PCCA: variants seen among roughly 807,000 people sequenced by gnomAD.
The protein encoded by PCCA is propionyl-CoA carboxylase alpha chain, mitochondrial.
A neutral mutation model predicts 101.3 loss-of-function variants in PCCA; 74 were observed. The observed-to-expected ratio is 0.73, with a 90% CI of 0.61 to 0.89. The LOEUF (loss-of-function observed/expected upper bound fraction) is 0.89. PCCA is among the 40% of genes least tolerant of loss of function. PCCA has a pLI of 0.00. For missense variants in PCCA, 891 were observed against 907.0 expected, an observed-to-expected ratio of 0.98 and a Z score of 0.23; for synonymous variants, 294 against 313.6, an observed-to-expected ratio of 0.94 and a Z score of 0.66.
chr13:100,122,112 A>G (rs1368254154), intron 4 of PCCA, among the ~76,000 whole-genome samples: 1 of 152,142 alleles, frequency 6.6e-6, no homozygotes, highest in East Asian at 1.9e-4. Context: ...TGAGATGATC[A>G]TGTGGTTTTT....
intron 16 of PCCA, among the ~76,000 whole-genome samples, chr13:100,318,487 C>T (rs2067637336): frequency 7.8e-6 from 1 of 127,810 alleles, no homozygotes; most frequent in African/African-American, 2.9e-5. Flanking sequence ...CCCCCTCCCC[C>T]CACCCCATGA....
At chr13:100,145,022 G>T (rs1211852769) in intron 4 of PCCA, among the ~76,000 whole-genome samples, 1 of 152,180 alleles carries the variant, frequency 6.6e-6, no homozygotes, top group Admixed American at 6.5e-5. Context: ...TGAGGGAGCA[G>T]ATGATTCGTA....
chr13:100,347,897 C>G (rs1427933229), intron 18 of PCCA, among the ~76,000 whole-genome samples: 1 of 151,984 alleles, frequency 6.6e-6, no homozygotes, highest in African/African-American at 2.4e-5. Flanking sequence ...ATTGCTACAC[C>G]CTATAACAGT....
chr13:100,144,212 A>AT (rs2052257777), intron 4 of PCCA, among the ~76,000 whole-genome samples: 1 of 152,146 alleles, frequency 6.6e-6, no homozygotes, highest in South Asian at 2.1e-4. Context: ...TGAGTGGTTG[A>AT]TTTTGCTGCT....
At chr13:100,491,987 A>G (rs2042292963) in intron 21 of PCCA, among the ~76,000 whole-genome samples, 1 of 152,226 alleles carries the variant, frequency 6.6e-6, no homozygotes, top group Non-Finnish European at 1.5e-5. Flanking sequence ...CAGAGGTCCC[A>G]TTTCAGAAGT....
At chr13:100,404,947 C>T (rs2077583626) in intron 19 of PCCA, among the ~76,000 whole-genome samples, 1 of 152,140 alleles carries the variant, frequency 6.6e-6, no homozygotes, top group Admixed American at 6.5e-5. Context: ...TCCCTTACAT[C>T]CAGTTTTCTT....
intron 19 of PCCA, among the ~76,000 whole-genome samples, chr13:100,422,723 G>A (rs919574057): frequency 6.6e-6 from 1 of 151,554 alleles, no homozygotes; most frequent in African/African-American, 2.4e-5. Flanking sequence ...TTCTATTTTT[G>A]GTTGCTTCTT....
intron 1 of PCCA, among the ~76,000 whole-genome samples, chr13:100,098,175 C>G (rs1198981362): frequency 2.0e-5 from 3 of 151,852 alleles, no homozygotes; most frequent in African/African-American, 7.3e-5. Flanking sequence ...GCAGTCCAGC[C>G]TGGGCAAACA....
At chr13:100,176,770 T>C (rs1462832277) in intron 6 of PCCA, among the ~76,000 whole-genome samples, 2 of 152,206 alleles carry the variant, frequency 1.3e-5, no homozygotes, top group Non-Finnish European at 2.9e-5. Context: ...TATTAGTTTT[T>C]TTAATTAGGT....
chr13:100,240,664 G>T, intron 8 of PCCA, among the ~76,000 whole-genome samples: 1 of 151,292 alleles, frequency 6.6e-6, no homozygotes, highest in South Asian at 2.1e-4. Context: ...TAATTGTTAC[G>T]GTTTATACTC....
At chr13:100,235,260 G>T (rs2060722191) in intron 7 of PCCA, among the ~76,000 whole-genome samples, 2 of 137,258 alleles carry the variant, frequency 1.5e-5, no homozygotes, top group Non-Finnish European at 3.1e-5. Context: ...TACAATTGTA[G>T]AGATAAAATA....
chr13:100,260,563 A>AT (rs770678307), intron 9 of PCCA, among the ~76,000 whole-genome samples: 37 of 151,744 alleles, frequency 2.4e-4, no homozygotes, highest in Non-Finnish European at 4.6e-4. Context: ...CGCCTGGCTA[A>AT]TTTTTTGTAT....
intron 22 of PCCA, among the ~76,000 whole-genome samples, chr13:100,525,533 T>C (rs2087727213): frequency 6.6e-6 from 1 of 152,256 alleles, no homozygotes; most frequent in South Asian, 2.1e-4. Flanking sequence ...AGGCTGGCCT[T>C]TGCCCCTAGC....
intron 22 of PCCA, among the ~76,000 whole-genome samples, chr13:100,527,122 C>A: frequency 6.6e-6 from 1 of 151,692 alleles, no homozygotes. Flanking sequence ...TTGGTAACAG[C>A]TATACTGAGA....
intron 6 of PCCA, among the ~76,000 whole-genome samples, chr13:100,207,155 A>G (rs1437193427): frequency 1.3e-5 from 2 of 152,190 alleles, no homozygotes; most frequent in East Asian, 1.9e-4. Context: ...TAGAAGGAAA[A>G]TAATAGTTTT....
intron 12 of PCCA, among the ~76,000 whole-genome samples, chr13:100,294,082 A>G (rs532799288): frequency 6.6e-6 from 1 of 152,298 alleles, no homozygotes; most frequent in African/African-American, 2.4e-5. Context: ...CCAGGGGCCA[A>G]CAGGGTCAGT....
At chr13:100,250,951 T>C (rs576781256) in intron 8 of PCCA, among the ~76,000 whole-genome samples, 12 of 152,160 alleles carry the variant, frequency 7.9e-5, no homozygotes, top group Non-Finnish European at 1.3e-4. Flanking sequence ...TCTATGGTTT[T>C]TTCGTAGTAT....
intron 2 of PCCA, among the ~76,000 whole-genome samples, chr13:100,105,376 T>G (rs1020275809): frequency 6.6e-6 from 1 of 152,152 alleles, no homozygotes; most frequent in Non-Finnish European, 1.5e-5. Flanking sequence ...CATTCCAATC[T>G]CGAAGTAATC....
In PCCA at chr13:100,452,096, CCTCTTCCTT is replaced by C. The variant is rs1364891291; in HGVS notation, c.1899+2792_1899+2800del. Among the ~76,000 whole-genome samples, 331 of 123,756 alleles carry C rather than the reference CCTCTTCCTT, an allele frequency of 2.7e-3. 3 individuals are homozygous for C. Among genetic ancestry groups the C allele is most frequent in the African/African-American group, 0.01 (309 of 30,822 alleles). 81.2% of individuals were successfully genotyped at this position (123,756 alleles called of 152,430 possible). A position where few individuals can be genotyped will look rare whatever the true frequency, so the allele number is the denominator to read the frequency against. On this transcript the variant is annotated intron_variant, in intron 21 of 23. Coordinates refer to ENST00000376285, the MANE Select transcript of PCCA (RefSeq NM_000282.4). ...CCTCTCTCCTCTTCCTCCTCTTCCTCCTCTTCCTTTCTCTCTCTCCTCTTCTTCCTCTCC... is the reference window on the plus strand; with the variant it reads ...CCTCTCTCCTCTTCCTCCTCTTCCTCTCTCTCTCTCCTCTTCTTCCTCTCC...
Sources: allele counts gnomAD v4.1 joint callset (sites outside exome capture counted in the v4.1 genomes callset), GRCh38; gene constraint gnomAD v4.1.1; transcripts MANE v1.5; gene names NCBI Gene and HGNC (gene_info 2026-07-23, HGNC 2026-07-21).